Variants in NPAS3 observed in about 807,000 individuals in gnomAD.
The protein encoded by NPAS3 is neuronal PAS domain-containing protein 3.
In NPAS3, 14 loss-of-function variants were observed where a neutral mutation model predicts 73.1. The observed-to-expected ratio is 0.19, with a 90% CI of 0.13 to 0.30. The LOEUF (loss-of-function observed/expected upper bound fraction) is 0.30. NPAS3 is among the 10% of genes least tolerant of loss of function. The pLI is 1.00. For missense variants in NPAS3, 1,096 were observed against 1,250.0 expected, an observed-to-expected ratio of 0.88 and a Z score of 1.86; for synonymous variants, 620 against 541.5, an observed-to-expected ratio of 1.14 and a Z score of -2.01.
chr14:33,492,520 G>C (rs2051952122), intron 4 of NPAS3, among the ~76,000 whole-genome samples: 1 of 152,138 alleles, frequency 6.6e-6, no homozygotes, highest in African/African-American at 2.4e-5. Context: ...TCCTACCCAG[G>C]ATGGTAATTA....
intron 2 of NPAS3, among the ~76,000 whole-genome samples, chr14:33,100,100 C>T (rs569649279): frequency 7.2e-5 from 11 of 152,218 alleles, no homozygotes; most frequent in African/African-American, 1.9e-4. Flanking sequence ...ACTTCTCTGT[C>T]GTTGTGAAAG....
At chr14:33,501,953 TG>T (rs2052538815) in intron 4 of NPAS3, among the ~76,000 whole-genome samples, 1 of 151,964 alleles carries the variant, frequency 6.6e-6, no homozygotes, top group Non-Finnish European at 1.5e-5. Flanking sequence ...GAAAGGACCC[TG>T]TGAGTAAACC....
intron 5 of NPAS3, among the ~76,000 whole-genome samples, chr14:33,660,169 T>C (rs1363377055): frequency 6.6e-6 from 1 of 152,170 alleles, no homozygotes; most frequent in Non-Finnish European, 1.5e-5. Context: ...AGTTTGCCCA[T>C]TGCTTCGGTG....
chr14:33,020,809 G>A (rs1458081582), intron 1 of NPAS3, among the ~76,000 whole-genome samples: 1 of 151,748 alleles, frequency 6.6e-6, no homozygotes, highest in Admixed American at 6.6e-5. Context: ...GGCCCAGGCT[G>A]GAGTGCGGTG....
At position 33,229,085 on chromosome 14, in the gene NPAS3, C is replaced by T. The variant is rs141313255; in HGVS notation, c.385+13659C>T. 5.0e-3 allele frequency among the ~76,000 whole-genome samples: 758 copies of T among 152,210 alleles called. 7 individuals carry two copies. The highest frequency in any genetic ancestry group is 0.017 in the African/African-American group (712 of 41,530). On this transcript the variant is annotated intron_variant, in intron 3 of 11. Coordinates refer to ENST00000356141, the Ensembl canonical transcript of NPAS3. ...GCCCTCCAGATGTAAGGTAAACTCA[C>T]GATGGTTTTTCCTCTCAGAAAAGTA...
At chr14:33,082,214 C>A (rs772514628) in intron 2 of NPAS3, among the ~76,000 whole-genome samples, 16 of 152,010 alleles carry the variant, frequency 1.1e-4, no homozygotes, top group Non-Finnish European at 2.2e-4. Flanking sequence ...GAAACAATCA[C>A]ATTTATAAGA....
At chr14:33,587,931 A>G (rs1034707991) in intron 5 of NPAS3, among the ~76,000 whole-genome samples, 5 of 152,222 alleles carry the variant, frequency 3.3e-5, no homozygotes, top group Non-Finnish European at 7.3e-5. Flanking sequence ...TCTTGGGCAC[A>G]AATGTTTGAT....
At chr14:33,452,209 G>A (rs1361653031) in intron 4 of NPAS3, among the ~76,000 whole-genome samples, 2 of 152,154 alleles carry the variant, frequency 1.3e-5, no homozygotes, top group Admixed American at 6.5e-5. Context: ...CAGGCTCCTG[G>A]TTGTGGACTC....
chr14:33,479,845 T>C lies in NPAS3; in HGVS notation c.469-80276T>C, dbSNP rs192917719. Among the ~76,000 whole-genome samples the C allele has an allele frequency of 1.0e-3, 156 of 152,278 alleles. No individual in the cohort carries two copies. In the Middle Eastern group the frequency reaches 0.02, roughly 20 times the overall value. On this transcript the variant is annotated intron_variant, in intron 4 of 11. Transcript: ENST00000356141. The stretch of plus-strand genomic sequence containing the variant: ...AGGATGCAATTTTTGAACACACTTA[T>C]TTCTTTCCATTTGTGAAGAATTTCT...
chr14:33,691,447 T>C (rs1449630234), intron 6 of NPAS3, among the ~76,000 whole-genome samples: 2 of 152,240 alleles, frequency 1.3e-5, no homozygotes, highest in East Asian at 3.8e-4. Flanking sequence ...ATGCCTTTGA[T>C]TAATTTTCAT....
intron 4 of NPAS3, among the ~76,000 whole-genome samples, chr14:33,455,199 G>T (rs189660855): frequency 3.2e-4 from 49 of 152,220 alleles, no homozygotes; most frequent in Non-Finnish European, 1.3e-4. Flanking sequence ...CAAAGCTTTG[G>T]TTTACATTTT....
intron 1 of NPAS3, among the ~76,000 whole-genome samples, chr14:33,012,617 C>T (rs898221867): frequency 2.0e-5 from 3 of 151,474 alleles, no homozygotes; most frequent in Non-Finnish European, 4.4e-5. Flanking sequence ...GGCGCGATCT[C>T]GGCTCACTGC....
At chr14:32,945,354 T>C (rs1054102374) in intron 1 of NPAS3, among the ~76,000 whole-genome samples, 2 of 152,186 alleles carry the variant, frequency 1.3e-5, no homozygotes, top group African/African-American at 2.4e-5. Context: ...AAATAGGTTA[T>C]ATACGATGAT....
intron 2 of NPAS3, among the ~76,000 whole-genome samples, chr14:33,088,395 G>A (rs1057065916): frequency 3.9e-5 from 6 of 152,194 alleles, no homozygotes; most frequent in Admixed American, 2.6e-4. Flanking sequence ...ATTATATCCC[G>A]TGCCTGGCTC....
At chr14:33,496,638 T>C (rs75128528) in intron 4 of NPAS3, among the ~76,000 whole-genome samples, 4 of 152,160 alleles carry the variant, frequency 2.6e-5, no homozygotes, top group South Asian at 4.2e-4. Flanking sequence ...AGGCCTTCGA[T>C]AAAATTCAAC....
chr14:33,170,907 C>T (rs1384634437), intron 2 of NPAS3, among the ~76,000 whole-genome samples: 2 of 152,214 alleles, frequency 1.3e-5, no homozygotes, highest in East Asian at 1.9e-4. Flanking sequence ...GATATTTTCA[C>T]CTTCTCCCAT....
At chr14:33,574,575 G>T (rs1221105710) in intron 5 of NPAS3, among the ~76,000 whole-genome samples, 1 of 151,990 alleles carries the variant, frequency 6.6e-6, no homozygotes, top group Non-Finnish European at 1.5e-5. Context: ...AAAGAAAGGA[G>T]GTGAGGTGGA....
intron 2 of NPAS3, among the ~76,000 whole-genome samples, chr14:33,107,328 G>C (rs2042753154): frequency 6.6e-6 from 1 of 152,102 alleles, no homozygotes; most frequent in South Asian, 2.1e-4. Flanking sequence ...CTGAGGTTTG[G>C]AGTACAAATG....
chr14:33,183,817 C>G (rs947820032), intron 2 of NPAS3, among the ~76,000 whole-genome samples: 1 of 152,148 alleles, frequency 6.6e-6, no homozygotes, highest in African/African-American at 2.4e-5. Flanking sequence ...TTGCTGAACT[C>G]TCATTTGCTT....
Sources: gnomAD v4.1 joint callset for allele counts (sites outside exome capture counted in the v4.1 genomes callset) on GRCh38, gnomAD v4.1.1 for gene constraint, MANE v1.5 for transcripts, NCBI Gene and HGNC (gene_info 2026-07-23, HGNC 2026-07-21) for gene names.